The following TPD52L2 variants were observed in gnomAD, a reference collection of about 807,000 sequenced individuals.
TPD52L2 encodes the protein tumor protein D54.
TPD52L2 carries 19 observed loss-of-function variants against 24.7 expected under a neutral mutation model. The observed-to-expected ratio is 0.77, with a 90% CI of 0.54 to 1.13. The LOEUF (loss-of-function observed/expected upper bound fraction) is 1.13. TPD52L2 is among the 50% of genes most tolerant of loss of function. TPD52L2 has a pLI of 0.00. For synonymous variants in TPD52L2, 104 were observed against 100.2 expected, an observed-to-expected ratio of 1.04 and a Z score of -0.23; for missense variants, 236 against 250.4, an observed-to-expected ratio of 0.94 and a Z score of 0.39.
intron 5 of TPD52L2, chr20:63,888,449 T>C (rs1183871370): frequency 1.4e-5 from 2 of 147,338 alleles, no homozygotes; most frequent in Non-Finnish European, 3.0e-5. Flanking sequence ...GCGCAGACTT[T>C]TCATAACCTC....
At chr20:63,870,710 G>A (rs1033948550) in intron 2 of TPD52L2, among the ~76,000 whole-genome samples, 4 of 149,138 alleles carry the variant, frequency 2.7e-5, no homozygotes, top group African/African-American at 9.9e-5. Context: ...GTTTTTAGTC[G>A]AGATGGGGTT....
intron 5 of TPD52L2, among the ~76,000 whole-genome samples, chr20:63,885,621 A>C (rs1043153431): frequency 2.6e-5 from 4 of 152,216 alleles, no homozygotes; most frequent in Non-Finnish European, 5.9e-5. Context: ...CCCAGCTGTC[A>C]TGCTGTGGCA....
Position 63,869,459 on chromosome 20 carries a change from T to G in TPD52L2, c.165+18T>G, listed in dbSNP as rs764057446. ...TTACCAAGGTGCTGTGGCTTGGCTG[T>G]CTGTCCTGGGGTGAATTGGAGTTAA... On this transcript the variant is annotated intron_variant, in intron 2 of 6. Transcript: ENST00000346249. The G allele has an allele frequency of 8.7e-6, 14 of 1,613,554 alleles. No homozygotes were observed. The highest frequency in any genetic ancestry group is 1.3e-5 in the African/African-American group (1 of 75,034).
chr20:63,884,503 G>A (rs1352802463), intron 5 of TPD52L2, among the ~76,000 whole-genome samples: 1 of 152,286 alleles, frequency 6.6e-6, no homozygotes, highest in Middle Eastern at 3.4e-3. Context: ...TGGAATAGCC[G>A]TGCACAAGCC....
At position 63,869,409 on chromosome 20, in the gene TPD52L2, G is replaced by A. The variant is rs960197604; in HGVS notation, c.133G>A (p.Glu45Lys). Residue 45 changes from glutamate to lysine, a missense_variant, in exon 2 of 7, where the codon GAG becomes AAG. Glu to Lys is a moderately conservative substitution (Grantham distance 56). Coordinates refer to ENST00000346249, the MANE Select transcript of TPD52L2 (RefSeq NM_003288.4). ...TGCTGTTGAGGGTCTGACAGAGGCTGAGGAGGAGGAGCTCAGGGCTGAGCT... is the reference window on the plus strand; with the variant it reads ...TGCTGTTGAGGGTCTGACAGAGGCTAAGGAGGAGGAGCTCAGGGCTGAGCT... ...TPAVEGLTEA[E>K]EEELRAELTK... is the part of the protein sequence containing the mutation. The A allele has an allele frequency of 6.2e-7, 1 of 1,614,080 alleles. No individual in the cohort carries two copies. The highest frequency in any genetic ancestry group is 1.3e-5 in the African/African-American group (1 of 74,944).
At position 63,889,937 on chromosome 20, in the gene TPD52L2, C is replaced by T. The variant is rs762037154; in HGVS notation, c.613C>T (p.Pro205Ser). ...SGDKPLSDPA[P>S]F The stretch of plus-strand genomic sequence containing the variant: ...TGACAAGCCCCTGTCGGATCCCGCA[C>T]CTTTCTAAGCCTGTGGTTGCTTCAC... Residue 205 changes from proline (P) to serine (S), a missense_variant, in exon 7 of 7, where the codon CCT becomes TCT. By Grantham distance (74) the Pro-to-Ser change is moderately conservative (BLOSUM62 -1). Transcript: ENST00000346249. The T allele has an allele frequency of 1.5e-5, 25 of 1,614,030 alleles. No homozygotes were observed. Among genetic ancestry groups the T allele is most frequent in the Non-Finnish European group, 2.1e-5 (25 of 1,180,050 alleles).
chr20:63,873,031 A>G (rs983016495), intron 2 of TPD52L2, among the ~76,000 whole-genome samples: 1 of 151,534 alleles, frequency 6.6e-6, no homozygotes, highest in African/African-American at 2.4e-5. Context: ...CCTTTTTAAT[A>G]CCATGCCCAG....
rs767810479 is a variant in TPD52L2 at position 63,889,249 on chromosome 20, C to G, written c.525+11C>G. 1.2e-6 allele frequency: 2 copies of G among 1,611,128 alleles called. No individual in the cohort carries two copies. The highest frequency in any genetic ancestry group is 1.7e-6 in the Non-Finnish European group (2 of 1,178,108). The stretch of plus-strand genomic sequence containing the variant: ...GTTGGGACCATAAAGGTAATTGTAC[C>G]TGGACTGTTTGATGGTCTTGGCAAG... On this transcript the variant is annotated intron_variant, in intron 6 of 6. Transcript: ENST00000346249.
At position 63,877,839 on chromosome 20, in the gene TPD52L2, T is replaced by A. The variant is rs1338658012; in HGVS notation, c.374+1964T>A. Among the ~76,000 whole-genome samples, 1 of 151,756 alleles carries A rather than the reference T, an allele frequency of 6.6e-6. No homozygotes were observed. The highest frequency in any genetic ancestry group is 1.5e-5 in the Non-Finnish European group (1 of 67,890). Reference sequence around the variant, plus strand: ...GAGCTGTCAACTGACGGTTCCAGAGTGGAAGCGTTTCTGCCGGGAAGGCCC... The same window carrying A: ...GAGCTGTCAACTGACGGTTCCAGAGAGGAAGCGTTTCTGCCGGGAAGGCCC... On this transcript the variant is annotated intron_variant, in intron 4 of 6. Coordinates refer to ENST00000346249, the MANE Select transcript of TPD52L2 (RefSeq NM_003288.4). This position sits in a 1 kb window ranked among gnomAD's most constrained non-coding sequence, Gnocchi z 4.1.
intron 4 of TPD52L2, among the ~76,000 whole-genome samples, chr20:63,880,596 A>T (rs2052855815): frequency 6.6e-6 from 1 of 152,236 alleles, no homozygotes; most frequent in South Asian, 2.1e-4. Flanking sequence ...TGTCTTCAGA[A>T]TTTGTATTTT....
chr20:63,880,890 CAA>C (rs60375809), intron 4 of TPD52L2, among the ~76,000 whole-genome samples: 45 of 77,412 alleles, frequency 5.8e-4, no homozygotes, highest in Admixed American at 1.0e-3. Context: ...GACTCTGTCT[CAA>C]AAAAAAAAAA....
intron 3 of TPD52L2, 150 bp downstream of exon 3, chr20:63,873,966 G>C: frequency 1.1e-6 from 1 of 899,452 alleles, no homozygotes; most frequent in South Asian, 2.4e-5. Flanking sequence ...GAGAGGCTCT[G>C]AGCCCTTGGC....
At chr20:63,872,119 C>G (rs921685939) in intron 2 of TPD52L2, among the ~76,000 whole-genome samples, 17 of 143,962 alleles carry the variant, frequency 1.2e-4, no homozygotes, top group Non-Finnish European at 1.5e-5. Context: ...TTGCTCAGTT[C>G]TAACTACGTT....
chr20:63,886,392 G>A (rs893556223), intron 5 of TPD52L2, among the ~76,000 whole-genome samples: 9 of 150,470 alleles, frequency 6.0e-5, no homozygotes, highest in Admixed American at 1.3e-4. Context: ...ACGGAGTCTT[G>A]CTCTGTCGCC....
rs1298173198 is a variant in TPD52L2 at position 63,890,892 on chromosome 20, TC to T, written c.*948del. The stretch of plus-strand genomic sequence containing the variant: ...AGGGGCCAAGAGAAGGAAAACCCTG[TC>T]TTTAGCACCCTTTAAAAGAACTGTG... On this transcript the variant is annotated 3_prime_UTR_variant, in exon 7 of 7. Coordinates refer to ENST00000346249, the MANE Select transcript of TPD52L2 (RefSeq NM_003288.4). 1 of 152,438 alleles carries T rather than the reference TC, an allele frequency of 6.6e-6. No homozygotes were observed. Among genetic ancestry groups the T allele is most frequent in the African/African-American group, 2.4e-5 (1 of 41,468 alleles). 9.4% of individuals were successfully genotyped at this position (152,438 alleles called of 1,614,324 possible). A position where few individuals can be genotyped will look rare whatever the true frequency, so the allele number is the denominator to read the frequency against.
chr20:63,875,682 T>G (rs1209921138), intron 3 of TPD52L2, 134 bp from the exon 4 acceptor site: 2 of 856,044 alleles, frequency 2.3e-6, no homozygotes, highest in Non-Finnish European at 3.7e-6. Context: ...GTGGACCCCA[T>G]TTTTGGGCCG....
At position 63,877,893 on chromosome 20, in the gene TPD52L2, C is replaced by A. The variant is rs112447378; in HGVS notation, c.374+2018C>A. Among the ~76,000 whole-genome samples the A allele has an allele frequency of 7.2e-5, 11 of 151,764 alleles. No homozygotes were observed. The highest frequency in any genetic ancestry group is 1.3e-4 in the Non-Finnish European group (9 of 67,978). On this transcript the variant is annotated intron_variant, in intron 4 of 6. Coordinates refer to ENST00000346249, the MANE Select transcript of TPD52L2 (RefSeq NM_003288.4). This position sits in a 1 kb window ranked among gnomAD's most constrained non-coding sequence, Gnocchi z 4.1. ...CCGAGGGCGATGGTTTCTGCCGGGA[C>A]GGCCCAGGCCGAGGGCGATGGTTTC...
At chr20:63,889,151 C>G (rs1409787619) in intron 5 of TPD52L2, 39 bp from the exon 6 acceptor site, 3 of 1,600,146 alleles carry the variant, frequency 1.9e-6, no homozygotes, top group Non-Finnish European at 2.6e-6. Flanking sequence ...GCACAACCCT[C>G]TCCTCTTGAC....
At chr20:63,873,865 CCA>C in intron 3 of TPD52L2, 49 bp downstream of exon 3, 3 of 1,424,570 alleles carry the variant, frequency 2.1e-6, no homozygotes. Flanking sequence ...AGAACGGGCA[CCA>C]CACGTGCCCC....
Sources: gnomAD v4.1 joint callset for allele counts (sites outside exome capture counted in the v4.1 genomes callset) on GRCh38, gnomAD v4.1.1 for gene constraint, Gnocchi (gnomAD v3.1) non-coding constraint, MANE v1.5 for transcripts, NCBI Gene and HGNC (gene_info 2026-07-23, HGNC 2026-07-21) for gene names.